MCTP1: variants seen among roughly 807,000 people sequenced by gnomAD.
MCTP1 encodes multiple C2 and transmembrane domain containing 1, also known as multiple C2 and transmembrane domain-containing protein 1.
Under a neutral mutation model 120.6 loss-of-function variants are expected in MCTP1, and 69 were observed. The observed-to-expected ratio is 0.57, with a 90% CI of 0.47 to 0.70. MCTP1 has a LOEUF of 0.70. Among genes scored for constraint, MCTP1 ranks in the 30% least tolerant of loss-of-function variants. The probability of loss-of-function intolerance (pLI) is 0.00; values close to 1 mark genes in which losing one functional copy is unlikely to be tolerated. For missense variants in MCTP1, 1,203 were observed against 1,248.8 expected (o/e 0.96, Z 0.55); for synonymous variants, 529 against 493.1 (o/e 1.07, Z -0.96).
At chr5:95,054,850 A>G (rs753201234) in intron 1 of MCTP1, among the ~76,000 whole-genome samples, 11 of 152,142 alleles carry the variant, frequency 7.2e-5, no homozygotes, top group Non-Finnish European at 1.3e-4. Context: ...CCCAGGCTGG[A>G]GTGCAGTGGT....
chr5:95,250,694 C>T (rs1031298821), intron 1 of MCTP1, among the ~76,000 whole-genome samples: 4 of 152,112 alleles, frequency 2.6e-5, no homozygotes, highest in Non-Finnish European at 5.9e-5. Context: ...ACAATTTAAA[C>T]AGAATAACTT....
intron 12 of MCTP1, among the ~76,000 whole-genome samples, chr5:94,879,921 C>T (rs1799700399): frequency 6.6e-6 from 1 of 151,904 alleles, no homozygotes; most frequent in South Asian, 2.1e-4. Context: ...AGAATATTTA[C>T]AGAATTGTGT....
intron 3 of MCTP1, among the ~76,000 whole-genome samples, chr5:94,949,165 A>G (rs1317734399): frequency 1.3e-5 from 2 of 152,182 alleles, no homozygotes; most frequent in Non-Finnish European, 1.5e-5. Flanking sequence ...ATATAAATAT[A>G]TTCCCCTTTA....
In MCTP1 at chr5:94,710,918, G is replaced by A; in HGVS notation, c.2730C>T (p.Asn910=). 6.2e-7 allele frequency: 1 copy of A among 1,610,106 alleles called. No homozygotes were observed. The highest frequency in any genetic ancestry group is 1.1e-5 in the South Asian group (1 of 90,806). Residue 910 remains asparagine, a synonymous_variant, in exon 21 of 23, where the codon AAC becomes AAT. Coordinates refer to ENST00000515393, the MANE Select transcript of MCTP1 (RefSeq NM_024717.7). ...SFGERIKNTF[N]WTVPFLSWLA... Reference sequence around the variant, plus strand: ...GCCAGCTTAAGAATGGGACAGTCCAGTTGAAAGTACTGAATGGAAAATTAA... The same window carrying A: ...GCCAGCTTAAGAATGGGACAGTCCAATTGAAAGTACTGAATGGAAAATTAA...
At chr5:94,891,217 A>G in intron 11 of MCTP1, among the ~76,000 whole-genome samples, 1 of 122,118 alleles carries the variant, frequency 8.2e-6, no homozygotes, top group Non-Finnish European at 2.0e-5. Context: ...GTTGTTTATC[A>G]CCAAAAATCT....
At chr5:94,830,445 T>C (rs1265353977) in intron 17 of MCTP1, among the ~76,000 whole-genome samples, 1 of 152,232 alleles carries the variant, frequency 6.6e-6, no homozygotes, top group South Asian at 2.1e-4. Context: ...TCTTTTCTCA[T>C]GGAATTTTAG....
At chr5:95,209,844 T>C (rs1264101894) in intron 1 of MCTP1, among the ~76,000 whole-genome samples, 1 of 152,222 alleles carries the variant, frequency 6.6e-6, no homozygotes, top group Non-Finnish European at 1.5e-5. Context: ...CTGCTATGAA[T>C]GTGTCCCAGA....
At chr5:95,093,105 T>C (rs1755971938) in intron 1 of MCTP1, among the ~76,000 whole-genome samples, 1 of 152,192 alleles carries the variant, frequency 6.6e-6, no homozygotes, top group Non-Finnish European at 1.5e-5. Flanking sequence ...ACTACAAAAT[T>C]AAAAGTGGGC....
chr5:95,165,501 TCAA>T (rs780159709), intron 1 of MCTP1, among the ~76,000 whole-genome samples: 1 of 152,214 alleles, frequency 6.6e-6, no homozygotes, highest in Non-Finnish European at 1.5e-5. Context: ...ATCATGAGAA[TCAA>T]CAAGTTAATA....
chr5:95,124,332 T>TG (rs947472227), intron 1 of MCTP1, among the ~76,000 whole-genome samples: 4 of 152,220 alleles, frequency 2.6e-5, no homozygotes, highest in African/African-American at 9.6e-5. Context: ...CAGATTTGTG[T>TG]GGGAAAGCAC....
chr5:94,739,868 A>G (rs1765122245), intron 19 of MCTP1, among the ~76,000 whole-genome samples: 1 of 152,124 alleles, frequency 6.6e-6, no homozygotes. Context: ...GGGTTTTGCC[A>G]TGTTGGCCAG....
In MCTP1 at chr5:95,164,100, C is replaced by T. The variant is rs898700228; in HGVS notation, c.720+119756G>A. Among the ~76,000 whole-genome samples, 4 of 152,108 alleles carry T rather than the reference C, an allele frequency of 2.6e-5. 1 individual carries two copies. The highest frequency in any genetic ancestry group is 5.9e-5 in the Non-Finnish European group (4 of 67,998). On this transcript the variant is annotated intron_variant, in intron 1 of 22. Transcript: ENST00000515393. ...ACTTCATAGCTAGGCAGAAAAGGAA[C>T]CAGCCCTGGTACCTACTGATGGTGT...
At chr5:94,714,098 A>G (rs898452782) in intron 20 of MCTP1, among the ~76,000 whole-genome samples, 1 of 151,894 alleles carries the variant, frequency 6.6e-6, no homozygotes, top group African/African-American at 2.4e-5. Flanking sequence ...TAAAAAAAAT[A>G]TAACATTAGT....
chr5:95,094,593 A>G (rs1756084872), intron 1 of MCTP1, among the ~76,000 whole-genome samples: 1 of 152,186 alleles, frequency 6.6e-6, no homozygotes, highest in Non-Finnish European at 1.5e-5. Context: ...AAATTGAGAG[A>G]TGTCCTTGAA....
chr5:94,877,433 T>C (rs1799134649), intron 12 of MCTP1, among the ~76,000 whole-genome samples: 1 of 152,104 alleles, frequency 6.6e-6, no homozygotes, highest in Admixed American at 6.6e-5. Flanking sequence ...GAATTAACAC[T>C]TGAGAGACTC....
chr5:94,913,175 G>A (rs116736879), intron 8 of MCTP1, among the ~76,000 whole-genome samples, 199 bp from the exon 9 acceptor site: 2,794 of 151,772 alleles, frequency 0.018, 86 homozygotes, highest in African/African-American at 0.061. Flanking sequence ...TGATAAATTC[G>A]TTGTGTAAAA....
intron 20 of MCTP1, among the ~76,000 whole-genome samples, chr5:94,714,364 G>A (rs1186415556): frequency 6.6e-6 from 1 of 151,884 alleles, no homozygotes; most frequent in African/African-American, 2.4e-5. Context: ...AAAAAATTTA[G>A]TGTCACTTGA....
rs763087549 is a variant in MCTP1 at position 94,708,498 on chromosome 5, C to T, written c.2928+14G>A. The T allele has an allele frequency of 8.0e-6, 12 of 1,498,338 alleles. No homozygotes were observed. Among genetic ancestry groups the T allele is most frequent in the South Asian group, 6.8e-5 (6 of 87,806 alleles). 92.8% of individuals were successfully genotyped at this position (1,498,338 alleles called of 1,614,324 possible). On this transcript the variant is annotated intron_variant, in intron 22 of 22. Coordinates refer to ENST00000515393, the MANE Select transcript of MCTP1 (RefSeq NM_024717.7). ...ATTAAAATAATAGCAATAATAATAACGAAACCTACATACCACTTGTACATC... is the reference window on the plus strand; with the variant it reads ...ATTAAAATAATAGCAATAATAATAATGAAACCTACATACCACTTGTACATC...
chr5:95,067,139 G>A (rs1449696005), intron 1 of MCTP1, among the ~76,000 whole-genome samples: 2 of 151,874 alleles, frequency 1.3e-5, no homozygotes, highest in African/African-American at 4.8e-5. Context: ...GGGGAGGGGT[G>A]GGAGTGGGGG....
Sources: allele counts gnomAD v4.1 joint callset (sites outside exome capture counted in the v4.1 genomes callset), GRCh38; gene constraint gnomAD v4.1.1; transcripts MANE v1.5; gene names NCBI Gene and HGNC (gene_info 2026-07-23, HGNC 2026-07-21).